Variants in CSMD1 observed in about 807,000 individuals in gnomAD.
The protein encoded by CSMD1 is CUB and sushi domain-containing protein 1.
A neutral mutation model predicts 417.5 loss-of-function variants in CSMD1; 213 were observed. That is an observed-to-expected ratio of 0.51 (90% CI 0.46 to 0.57). The LOEUF is 0.57. CSMD1 is among the 20% of genes least tolerant of loss of function. CSMD1 has a pLI of 0.00. For synonymous variants in CSMD1, 2,862 were observed against 1,736.8 expected (o/e 1.65, Z -16.11); for missense variants, 6,923 against 4,529.7 (o/e 1.53, Z -15.17).
At chr8:4,480,505 C>G (rs953288076) in intron 2 of CSMD1, among the ~76,000 whole-genome samples, 1 of 152,182 alleles carries the variant, frequency 6.6e-6, no homozygotes. Context: ...CAACCAGATA[C>G]TTGGTGGACG....
At chr8:4,301,241 G>T (rs922970007) in intron 3 of CSMD1, among the ~76,000 whole-genome samples, 2 of 152,122 alleles carry the variant, frequency 1.3e-5, no homozygotes, top group African/African-American at 4.8e-5. Flanking sequence ...CTCATAATAA[G>T]CCAACATCAT....
At chr8:4,165,726 T>G (rs1174503143) in intron 3 of CSMD1, among the ~76,000 whole-genome samples, 3 of 152,268 alleles carry the variant, frequency 2.0e-5, no homozygotes, top group Admixed American at 6.5e-5. Context: ...TATTACAAGT[T>G]TAATCACTAA....
chr8:3,715,279 G>T (rs1420582398), intron 6 of CSMD1, among the ~76,000 whole-genome samples: 1 of 152,152 alleles, frequency 6.6e-6, no homozygotes, highest in East Asian at 1.9e-4. Flanking sequence ...TTGTTAACGT[G>T]TGATTTGTGC....
intron 3 of CSMD1, among the ~76,000 whole-genome samples, chr8:4,264,564 C>G (rs1401435981): frequency 6.6e-6 from 1 of 152,098 alleles, no homozygotes. Flanking sequence ...GGTTAGCAAG[C>G]ATTTTATTAT....
At chr8:3,672,652 T>A (rs1301315677) in intron 7 of CSMD1, among the ~76,000 whole-genome samples, 1 of 152,216 alleles carries the variant, frequency 6.6e-6, no homozygotes, top group Non-Finnish European at 1.5e-5. Context: ...GAGTATGACA[T>A]GGTGCAGTGT....
intron 10 of CSMD1, among the ~76,000 whole-genome samples, chr8:3,537,398 C>T (rs1482738665): frequency 6.6e-6 from 1 of 152,112 alleles, no homozygotes; most frequent in African/African-American, 2.4e-5. Context: ...AGTTATCATG[C>T]AACAGACACA....
At chr8:3,625,944 T>C (rs1796469063) in intron 7 of CSMD1, among the ~76,000 whole-genome samples, 1 of 152,204 alleles carries the variant, frequency 6.6e-6, no homozygotes, top group Non-Finnish European at 1.5e-5. Flanking sequence ...GTTTTCCTTA[T>C]AAAGCTTCAA....
At chr8:3,377,513 C>G (rs1810386426) in intron 18 of CSMD1, among the ~76,000 whole-genome samples, 1 of 152,146 alleles carries the variant, frequency 6.6e-6, no homozygotes, top group African/African-American at 2.4e-5. Context: ...TAACTGGCAT[C>G]CCTATAGCAT....
At chr8:4,187,898 A>G (rs1038739834) in intron 3 of CSMD1, among the ~76,000 whole-genome samples, 3 of 152,024 alleles carry the variant, frequency 2.0e-5, no homozygotes, top group Non-Finnish European at 4.4e-5. Context: ...CACTGGCATG[A>G]TATCATGCAT....
intron 2 of CSMD1, among the ~76,000 whole-genome samples, chr8:4,503,554 A>C (rs1802368181): frequency 6.6e-6 from 1 of 152,194 alleles, no homozygotes; most frequent in South Asian, 2.1e-4. Flanking sequence ...GATTTTGTCA[A>C]ATGGATTGGT....
rs190006083 is a variant in CSMD1 at position 4,484,866 on chromosome 8, G to T, written c.303-64801C>A. On this transcript the variant is annotated intron_variant, in intron 2 of 69. Coordinates refer to ENST00000635120, the MANE Select transcript of CSMD1 (RefSeq NM_033225.6). Reference sequence around the variant, plus strand: ...CAGGCGCCTGTAGTCCCAACTACTCGGGAGGCTGAGGCGGGAGAATGGCGT... The same window carrying T: ...CAGGCGCCTGTAGTCCCAACTACTCTGGAGGCTGAGGCGGGAGAATGGCGT... Among the ~76,000 whole-genome samples, 513 of 151,532 alleles carry T rather than the reference G, an allele frequency of 3.4e-3. 12 individuals carry two copies. In the East Asian group the frequency reaches 0.084, roughly 25 times the overall value.
intron 3 of CSMD1, among the ~76,000 whole-genome samples, chr8:4,091,459 A>T (rs1315015245): frequency 9.2e-5 from 14 of 152,184 alleles, no homozygotes; most frequent in Admixed American, 9.2e-4. Flanking sequence ...CGTCAGAAAA[A>T]CAGCAAACAG....
At chr8:3,777,464 T>A (rs1233340092) in intron 5 of CSMD1, among the ~76,000 whole-genome samples, 1 of 152,110 alleles carries the variant, frequency 6.6e-6, no homozygotes. Context: ...CAGTGCTCAT[T>A]CTGGTGTCCT....
At chr8:4,206,607 C>G (rs1451744274) in intron 3 of CSMD1, among the ~76,000 whole-genome samples, 1 of 152,094 alleles carries the variant, frequency 6.6e-6, no homozygotes, top group East Asian at 1.9e-4. Context: ...TGGGTTGGTT[C>G]CAAGCTTTGC....
chr8:3,813,897 T>C (rs1007223165), intron 5 of CSMD1, among the ~76,000 whole-genome samples: 9 of 152,346 alleles, frequency 5.9e-5, no homozygotes, highest in South Asian at 2.1e-4. Context: ...CTTTTCCTTT[T>C]TGCTACTCTT....
intron 3 of CSMD1, among the ~76,000 whole-genome samples, chr8:4,275,482 G>A (rs184150065): frequency 1.5e-4 from 22 of 151,208 alleles, no homozygotes; most frequent in Admixed American, 4.6e-4. Flanking sequence ...CACAGATCTC[G>A]TAGAGGGAGT....
chr8:3,290,634 A>G (rs1803483365), intron 25 of CSMD1, among the ~76,000 whole-genome samples: 1 of 146,968 alleles, frequency 6.8e-6, no homozygotes, highest in South Asian at 2.1e-4. Flanking sequence ...TTTGTCTGTT[A>G]TTGGCGTATG....
chr8:4,300,745 T>C (rs1314762101), intron 3 of CSMD1, among the ~76,000 whole-genome samples: 1 of 152,148 alleles, frequency 6.6e-6, no homozygotes, highest in Non-Finnish European at 1.5e-5. Context: ...CCACGTGTTC[T>C]GGTTGTTCAA....
chr8:3,748,102 G>T (rs1220371475), intron 6 of CSMD1, among the ~76,000 whole-genome samples: 1 of 152,150 alleles, frequency 6.6e-6, no homozygotes, highest in Non-Finnish European at 1.5e-5. Flanking sequence ...CAGTCGCTTG[G>T]AACCCATAGA....
Sources: gnomAD v4.1 joint callset for allele counts (sites outside exome capture counted in the v4.1 genomes callset) on GRCh38, gnomAD v4.1.1 for gene constraint, MANE v1.5 for transcripts, NCBI Gene and HGNC (gene_info 2026-07-23, HGNC 2026-07-21) for gene names.